GSPT1: variants seen among roughly 807,000 people sequenced by gnomAD.
GSPT1 encodes eukaryotic peptide chain release factor GTP-binding subunit ERF3A.
A neutral mutation model predicts 72.5 loss-of-function variants in GSPT1; 20 were observed. The ratio of observed to expected loss-of-function variants is 0.28; its 90% CI spans 0.19 to 0.40. The LOEUF is 0.40. Among genes scored for constraint, GSPT1 ranks in the 10% least tolerant of loss-of-function variants. The pLI is 1.00. For synonymous variants in GSPT1, 334 were observed against 293.5 expected, an observed-to-expected ratio of 1.14 and a Z score of -1.41; for missense variants, 580 against 811.9, an observed-to-expected ratio of 0.71 and a Z score of 3.47.
intron 1 of GSPT1, among the ~76,000 whole-genome samples, chr16:11,909,962 A>G (rs33625): frequency 0.97 from 147,838 of 152,168 alleles, 71,921 homozygotes; most frequent in East Asian, 1. Context: ...GCCAGGCGTC[A>G]TGGTGGGTGC....
At position 11,885,096 on chromosome 16, in the gene GSPT1, A is replaced by G. The variant is rs951663549; in HGVS notation, c.1347+85T>C. ...AAAAAAACAAGAAAGAAAAGAAAAG[A>G]AAAAAAGTTTTCAAAACTAGAAACA... On this transcript the variant is annotated intron_variant, in intron 10 of 14. Coordinates refer to ENST00000434724, the MANE Select transcript of GSPT1 (RefSeq NM_002094.4). The G allele has an allele frequency of 5.7e-6, 4 of 695,764 alleles. No homozygotes were observed. The East Asian group carries it at 8.1e-5, about 14-fold the overall frequency. The allele number at this position is 695,764 out of a possible 1,614,324, so 43.1% of individuals were successfully genotyped here. A position where few individuals can be genotyped will look rare whatever the true frequency, so the allele number is the denominator to read the frequency against.
intron 10 of GSPT1, among the ~76,000 whole-genome samples, chr16:11,883,955 T>G (rs1018361268): frequency 9.9e-5 from 15 of 151,988 alleles, no homozygotes; most frequent in African/African-American, 3.4e-4. Flanking sequence ...GAAGTTTATG[T>G]TGGAAGATCT....
chr16:11,873,299 G>T, intron 14 of GSPT1, 128 bp from the exon 15 acceptor site: 1 of 555,118 alleles, frequency 1.8e-6, no homozygotes. Flanking sequence ...TAGCTTTACT[G>T]CCAAACCCAT....
chr16:11,911,749 G>A (rs575815390), intron 1 of GSPT1, among the ~76,000 whole-genome samples: 8 of 149,818 alleles, frequency 5.3e-5, no homozygotes, highest in South Asian at 2.1e-4. Flanking sequence ...GACAGGTTTC[G>A]CCACGTTGGC....
chr16:11,906,580 G>C (rs1344405972), intron 1 of GSPT1, among the ~76,000 whole-genome samples: 3 of 152,194 alleles, frequency 2.0e-5, no homozygotes, highest in African/African-American at 7.2e-5. Flanking sequence ...GCCACAGTGA[G>C]CTATGATTGT....
Position 11,915,568 on chromosome 16 carries a change from C to A in GSPT1, c.153G>T (p.Ala51=). 1 of 1,489,704 alleles carries A rather than the reference C, an allele frequency of 6.7e-7. No individual in the cohort carries two copies. The highest frequency in any genetic ancestry group is 1.8e-4 in the Middle Eastern group (1 of 5,574). The allele number at this position is 1,489,704 out of a possible 1,614,324, so 92.3% of individuals were successfully genotyped here. A position where few individuals can be genotyped will look rare whatever the true frequency, so the allele number is the denominator to read the frequency against. ...TCTCCCGCTGGGCCTCGGCCGCCGC[C>A]GCCAGGGAGCCGCCGCCGCCGCAAG... ...PGPCGGGGSL[A]AAAEAQRENL... The change falls in exon 1 of 15, where the codon GCG becomes GCT. Residue 51 remains alanine, a synonymous_variant. Coordinates refer to ENST00000434724, the MANE Select transcript of GSPT1 (RefSeq NM_002094.4).
rs1353928581 is a variant in GSPT1 at position 11,915,642 on chromosome 16, C to T, written c.79G>A (p.Ala27Thr). 2 of 1,486,848 alleles carry T rather than the reference C, an allele frequency of 1.3e-6. No individual in the cohort carries two copies. The highest frequency in any genetic ancestry group is 1.5e-5 in the African/African-American group (1 of 67,452). The allele number at this position is 1,486,848 out of a possible 1,614,324, so 92.1% of individuals were successfully genotyped here. A position where few individuals can be genotyped will look rare whatever the true frequency, so the allele number is the denominator to read the frequency against. The change falls in exon 1 of 15, where the codon GCG becomes ACG. Residue 27 changes from alanine (A) to threonine (T), a missense_variant. Coordinates refer to ENST00000434724, the MANE Select transcript of GSPT1 (RefSeq NM_002094.4). ...TCCGCCTGGTCCCAGCAGTCAGGCGCCGAGTCGCTGCTGCTGCTGCCGCTG... is the reference window on the plus strand; with the variant it reads ...TCCGCCTGGTCCCAGCAGTCAGGCGTCGAGTCGCTGCTGCTGCTGCCGCTG... Reference protein sequence around the residue: ...SSSGSSSSDSAPDCWDQADME... With the variant: ...SSSGSSSSDSTPDCWDQADME...
rs755629566 is a variant in GSPT1, at chr16:11,915,829, G to A, written c.-109C>T. ...ACTGAGGGAAGGCGGCGGGGCAGAA[G>A]GGCCGGGAGCTAGCGACAAAGATCC... On this transcript the variant is annotated 5_prime_UTR_variant, in exon 1 of 15. Transcript: ENST00000434724. The A allele has an allele frequency of 4.6e-6, 7 of 1,520,602 alleles. No homozygotes were observed. The highest frequency in any genetic ancestry group is 2.3e-5 in the East Asian group (1 of 42,832). 94.2% of individuals were successfully genotyped at this position (1,520,602 alleles called of 1,614,324 possible).
intron 1 of GSPT1, chr16:11,903,860 G>C (rs1347142237): frequency 6.6e-6 from 1 of 152,410 alleles, no homozygotes; most frequent in Non-Finnish European, 1.5e-5. Flanking sequence ...CGTAGTTCAG[G>C]AACACGAGTC....
intron 1 of GSPT1, among the ~76,000 whole-genome samples, chr16:11,906,539 C>G (rs1002964677): frequency 6.6e-6 from 1 of 152,084 alleles, no homozygotes; most frequent in South Asian, 2.1e-4. Flanking sequence ...GAGGCTGAGG[C>G]AGAAGAATCA....
intron 1 of GSPT1, among the ~76,000 whole-genome samples, chr16:11,913,401 C>T (rs57309246): frequency 0.036 from 5,432 of 152,308 alleles, 335 homozygotes; most frequent in African/African-American, 0.12. Flanking sequence ...TGTACGGATT[C>T]TCTTACTGAC....
rs192310004 is a variant in GSPT1, at chr16:11,879,284, A to T, written c.1429-1704T>A. 5.3e-5 allele frequency among the ~76,000 whole-genome samples: 8 copies of T among 151,122 alleles called. No homozygotes were observed. In the Admixed American group the frequency reaches 5.3e-4, roughly 10 times the overall value. ...GTGGCAGGCACCTGTAATCCCAGCT[A>T]CTCGGGAGGCTGAGGCAGAGAACTG... On this transcript the variant is annotated intron_variant, in intron 11 of 14. Transcript: ENST00000434724.
intron 9 of GSPT1, among the ~76,000 whole-genome samples, chr16:11,885,601 T>C (rs2054177634): frequency 6.6e-6 from 1 of 152,138 alleles, no homozygotes; most frequent in Admixed American, 6.5e-5. Context: ...CCTTTAAACA[T>C]ACAGTATTGG....
intron 1 of GSPT1, among the ~76,000 whole-genome samples, chr16:11,903,457 G>C (rs986126538): frequency 1.3e-5 from 2 of 152,208 alleles, no homozygotes; most frequent in South Asian, 2.1e-4. Flanking sequence ...GGAGGTTGCA[G>C]TGAGCCGAGA....
At chr16:11,887,476 C>A (rs968549079) in intron 7 of GSPT1, 94 bp downstream of exon 7, 2 of 997,698 alleles carry the variant, frequency 2.0e-6, no homozygotes, top group Admixed American at 4.2e-5. Flanking sequence ...TTCACTGCAA[C>A]CTGAATTTGA....
chr16:11,915,466 G>C lies in GSPT1; in HGVS notation c.255C>G (p.Phe85Leu), dbSNP rs773792532. Residue 85 changes from phenylalanine to leucine, a missense_variant, in exon 1 of 15, where the codon TTC becomes TTG. Phe to Leu is a conservative substitution (Grantham distance 22). Coordinates refer to ENST00000434724, the MANE Select transcript of GSPT1 (RefSeq NM_002094.4). The stretch of plus-strand genomic sequence containing the variant: ...CCGGGCCCCGCAGGAAGGACGGCAC[G>C]AACTCGGCGGCGTGGACGTTGGGCA... ...PFVPNVHAAE[F>L]VPSFLRGPAA... 2 of 1,548,372 alleles carry C rather than the reference G, an allele frequency of 1.3e-6. No individual in the cohort carries two copies. Among genetic ancestry groups the C allele is most frequent in the Non-Finnish European group, 1.7e-6 (2 of 1,149,574 alleles).
rs532080168 is a variant in GSPT1 at position 11,888,254 on chromosome 16, T to A, written c.777-504A>T. 2.0e-5 allele frequency among the ~76,000 whole-genome samples: 3 copies of A among 151,968 alleles called. No individual in the cohort carries two copies. The South Asian group carries it at 6.2e-4, about 32-fold the overall frequency. ...GCCGAGGCTGGCAGATCACCTGAGG[T>A]CAGGAGTTCGAGACTAGCCTGGCTA... On this transcript the variant is annotated intron_variant, in intron 6 of 14. Transcript: ENST00000434724.
rs1555505377 is a variant in GSPT1 at position 11,901,622 on chromosome 16, T to TATAC, written c.353-3588_353-3587insGTAT. 1.8e-3 allele frequency among the ~76,000 whole-genome samples: 262 copies of TATAC among 146,902 alleles called. 1 individual carries two copies. Among genetic ancestry groups the TATAC allele is most frequent in the Middle Eastern group, 0.018 (5 of 282 alleles). On this transcript the variant is annotated intron_variant, in intron 1 of 14. Transcript: ENST00000434724. ...GAAACCCCATCTCCACACACAAAAA[T>TATAC]ATATATATATATATATGAATTAGGC...
chr16:11,891,880 C>T (rs928392386), intron 5 of GSPT1, among the ~76,000 whole-genome samples: 1 of 151,426 alleles, frequency 6.6e-6, no homozygotes, highest in Non-Finnish European at 1.5e-5. Flanking sequence ...AGGCTGGTCT[C>T]GAACTCCTGA....
Sources: gnomAD v4.1 joint callset for allele counts (sites outside exome capture counted in the v4.1 genomes callset) on GRCh38, gnomAD v4.1.1 for gene constraint, MANE v1.5 for transcripts, NCBI Gene and HGNC (gene_info 2026-07-23, HGNC 2026-07-21) for gene names.